The following RGS7 variants were observed in gnomAD, a reference collection of about 807,000 sequenced individuals.
The protein encoded by RGS7 is regulator of G-protein signaling 7.
In RGS7, 27 loss-of-function variants were observed where a neutral mutation model predicts 81.1. That is an observed-to-expected ratio of 0.33 (90% CI 0.25 to 0.46). The LOEUF (loss-of-function observed/expected upper bound fraction) is 0.46, where lower values mean the gene tolerates loss of function less well. Ranked by LOEUF, RGS7 falls within the 20% of genes least tolerant of loss-of-function variation. The pLI is 1.00. For missense variants in RGS7, 396 were observed against 607.4 expected (o/e 0.65, Z 3.66); for synonymous variants, 208 against 207.7 (o/e 1.00, Z -0.01).
chr1:241,347,023 A>C (rs975335386), intron 2 of RGS7, among the ~76,000 whole-genome samples: 11 of 152,196 alleles, frequency 7.2e-5, no homozygotes, highest in Admixed American at 2.0e-4. Context: ...ACACCATCTT[A>C]AGCATTAACA....
At chr1:241,043,852 T>C (rs903680949) in intron 3 of RGS7, among the ~76,000 whole-genome samples, 7 of 151,772 alleles carry the variant, frequency 4.6e-5, no homozygotes, top group African/African-American at 1.7e-4. Context: ...ACATATATTA[T>C]GCCATTTTAT....
intron 4 of RGS7, among the ~76,000 whole-genome samples, chr1:240,982,704 G>A (rs1685103986): frequency 6.6e-6 from 1 of 151,992 alleles, no homozygotes; most frequent in South Asian, 2.1e-4. Flanking sequence ...TGTAGTTAAG[G>A]CAAAATTATA....
chr1:241,309,144 T>C (rs1428473657), intron 2 of RGS7, among the ~76,000 whole-genome samples: 1 of 152,044 alleles, frequency 6.6e-6, no homozygotes, highest in African/African-American at 2.4e-5. Context: ...CCCAGCACTT[T>C]GGGAGGCCGA....
At chr1:240,953,640 C>T (rs1162380731) in intron 4 of RGS7, among the ~76,000 whole-genome samples, 2 of 151,760 alleles carry the variant, frequency 1.3e-5, no homozygotes, top group East Asian at 3.9e-4. Flanking sequence ...GCATTTATTA[C>T]AAGAAAGATA....
chr1:241,299,526 G>C (rs2079610820), intron 2 of RGS7, among the ~76,000 whole-genome samples: 1 of 151,566 alleles, frequency 6.6e-6, no homozygotes, highest in Non-Finnish European at 1.5e-5. Context: ...TTCATCATCA[G>C]CTTTGGCTGC....
Position 241,110,254 on chromosome 1 carries a change from G to A in RGS7, c.79-11492C>T, listed in dbSNP as rs189364428. 2.6e-4 allele frequency among the ~76,000 whole-genome samples: 40 copies of A among 152,152 alleles called. No individual in the cohort carries two copies. In the East Asian group the frequency reaches 6.0e-3, roughly 23 times the overall value. On this transcript the variant is annotated intron_variant, in intron 2 of 18. Coordinates refer to ENST00000440928, the MANE Select transcript of RGS7 (RefSeq NM_001364886.1). Reference sequence around the variant, plus strand: ...ACATCTCCAATAACCCTGGAAGTCCGAATCAATAGTCTTATCATCGGCCCC... The same window carrying A: ...ACATCTCCAATAACCCTGGAAGTCCAAATCAATAGTCTTATCATCGGCCCC...
chr1:240,961,118 T>C (rs1055914270), intron 4 of RGS7, among the ~76,000 whole-genome samples: 1 of 151,604 alleles, frequency 6.6e-6, no homozygotes, highest in East Asian at 1.9e-4. Flanking sequence ...GTAAAAGTAA[T>C]AAAAATTATC....
chr1:240,933,484 C>G (rs1301553710), intron 5 of RGS7, among the ~76,000 whole-genome samples: 4 of 152,004 alleles, frequency 2.6e-5, no homozygotes, highest in African/African-American at 4.8e-5. Context: ...GGAAATGCCA[C>G]TAAACCAATG....
intron 3 of RGS7, among the ~76,000 whole-genome samples, chr1:241,084,046 G>A (rs1025966521): frequency 3.3e-5 from 5 of 152,082 alleles, no homozygotes; most frequent in African/African-American, 1.2e-4. Flanking sequence ...GTTATATAAG[G>A]TTCCTTAAAA....
chr1:241,092,407 T>C (rs926617168), intron 3 of RGS7, among the ~76,000 whole-genome samples: 1 of 152,336 alleles, frequency 6.6e-6, no homozygotes, highest in Admixed American at 6.5e-5. Flanking sequence ...TGTTATAGTT[T>C]GCTTTACCAA....
intron 2 of RGS7, among the ~76,000 whole-genome samples, chr1:241,273,778 T>A (rs2078051390): frequency 6.6e-6 from 1 of 152,206 alleles, no homozygotes; most frequent in Non-Finnish European, 1.5e-5. Flanking sequence ...CCCTCTGCCT[T>A]GTCCTTAAAA....
chr1:240,873,719 C>T (rs925801553), intron 6 of RGS7, among the ~76,000 whole-genome samples: 4 of 152,002 alleles, frequency 2.6e-5, no homozygotes, highest in Non-Finnish European at 4.4e-5. Context: ...CACAGGTCAG[C>T]GAGAAAATCA....
rs144554538 is a variant in RGS7 at position 240,862,242 on chromosome 1, C to T, written c.609+6345G>A. Among the ~76,000 whole-genome samples, 155 of 152,004 alleles carry T rather than the reference C, an allele frequency of 1.0e-3. 1 individual carries two copies. In the South Asian group the frequency reaches 0.013, roughly 13 times the overall value. On this transcript the variant is annotated intron_variant, in intron 9 of 18. Transcript: ENST00000440928. The stretch of plus-strand genomic sequence containing the variant: ...CTAGAATGATTATTCTGTGTCAATC[C>T]GACCTAAAAGTGACCTCATGGTTTT...
chr1:241,180,122 C>A (rs2071482182), intron 2 of RGS7, among the ~76,000 whole-genome samples: 1 of 152,124 alleles, frequency 6.6e-6, no homozygotes, highest in Non-Finnish European at 1.5e-5. Context: ...CACCTGTCAT[C>A]CCAGCACTTT....
At chr1:240,842,198 A>AGTTTTTTTTTTTTTTTTT (rs1658147614) in intron 9 of RGS7, among the ~76,000 whole-genome samples, 1 of 36,642 alleles carries the variant, frequency 2.7e-5, no homozygotes, top group Non-Finnish European at 5.7e-5. Flanking sequence ...GTTTGTCAGG[A>AGTTTTTTTTTTTTTTTTT]ATTTTTTTTT....
At chr1:241,085,943 T>G (rs2063411411) in intron 3 of RGS7, among the ~76,000 whole-genome samples, 1 of 152,184 alleles carries the variant, frequency 6.6e-6, no homozygotes, top group Non-Finnish European at 1.5e-5. Flanking sequence ...CAGAACATCT[T>G]CCCTTGAGCC....
chr1:240,912,150 C>CAAAAAAAAA, intron 6 of RGS7, among the ~76,000 whole-genome samples: 1 of 55,782 alleles, frequency 1.8e-5, no homozygotes, highest in Non-Finnish European at 2.8e-5. Flanking sequence ...GATTCTGTCT[C>CAAAAAAAAA]AAAAAAAAAA....
chr1:241,131,874 A>G (rs2067125106), intron 2 of RGS7, among the ~76,000 whole-genome samples: 1 of 152,254 alleles, frequency 6.6e-6, no homozygotes, highest in South Asian at 2.1e-4. Context: ...GCAAAGACTG[A>G]AAGACATTTC....
At chr1:241,027,736 AAGG>A (rs2059866350) in intron 3 of RGS7, among the ~76,000 whole-genome samples, 1 of 152,126 alleles carries the variant, frequency 6.6e-6, no homozygotes, top group South Asian at 2.1e-4. Flanking sequence ...GGCAGTTGAG[AAGG>A]AGAAGTATGG....
Sources: gnomAD v4.1 joint callset for allele counts (sites outside exome capture counted in the v4.1 genomes callset) on GRCh38, gnomAD v4.1.1 for gene constraint, MANE v1.5 for transcripts, NCBI Gene and HGNC (gene_info 2026-07-23, HGNC 2026-07-21) for gene names.